The following PHACTR3 variants were observed in gnomAD, a reference collection of about 807,000 sequenced individuals.
The protein encoded by PHACTR3 is protein phosphatase 1, regulatory subunit 123.
In PHACTR3, 16 loss-of-function variants were observed where a neutral mutation model predicts 66.8. The ratio of observed to expected loss-of-function variants is 0.24; its 90% CI spans 0.16 to 0.36. The LOEUF is 0.36. Ranked by LOEUF, PHACTR3 falls within the 10% of genes least tolerant of loss-of-function variation. The probability of loss-of-function intolerance (pLI) is 1.00; values close to 1 mark genes in which losing one functional copy is unlikely to be tolerated. For missense variants in PHACTR3, 647 were observed against 719.9 expected, an observed-to-expected ratio of 0.90 and a Z score of 1.16; for synonymous variants, 323 against 292.1, an observed-to-expected ratio of 1.11 and a Z score of -1.08.
At chr20:59,588,062 C>A (rs2033086559) in intron 1 of PHACTR3, among the ~76,000 whole-genome samples, 1 of 152,184 alleles carries the variant, frequency 6.6e-6, no homozygotes, top group Non-Finnish European at 1.5e-5. Context: ...TTGATCAGGT[C>A]ACCGGGGGTC....
chr20:59,627,339 C>A (rs1269753901), intron 1 of PHACTR3, among the ~76,000 whole-genome samples: 1 of 152,226 alleles, frequency 6.6e-6, no homozygotes, highest in Non-Finnish European at 1.5e-5. Flanking sequence ...AGCCCGCCTG[C>A]AGCTCTGCTT....
intron 1 of PHACTR3, among the ~76,000 whole-genome samples, chr20:59,645,625 T>G (rs1410689868): frequency 6.6e-6 from 1 of 152,204 alleles, no homozygotes; most frequent in Non-Finnish European, 1.5e-5. Flanking sequence ...TAAATGTTGC[T>G]TATATTGCAT....
In PHACTR3 at chr20:59,807,110, G is replaced by A. The variant is rs193157374; in HGVS notation, c.1328+916G>A. Among the ~76,000 whole-genome samples the A allele has an allele frequency of 1.3e-4, 20 of 152,266 alleles. No homozygotes were observed. The East Asian group carries it at 3.5e-3, about 26-fold the overall frequency. ...CAGAATCACTGCACACTTAGGCTAC[G>A]CTAAATTTACATAAACTTTTTTTTT... is the stretch of plus-strand genomic sequence containing the variant. On this transcript the variant is annotated intron_variant, in intron 8 of 12. Coordinates refer to ENST00000371015, the MANE Select transcript of PHACTR3 (RefSeq NM_080672.5).
At chr20:59,648,245 G>A (rs2035349233) in intron 1 of PHACTR3, among the ~76,000 whole-genome samples, 1 of 152,152 alleles carries the variant, frequency 6.6e-6, no homozygotes, top group African/African-American at 2.4e-5. Flanking sequence ...CCTGCTGTGA[G>A]GCCACATTTC....
rs182597601 is a variant in PHACTR3 at position 59,743,514 on chromosome 20, C to T, written c.280+246C>T. Among the ~76,000 whole-genome samples the T allele has an allele frequency of 5.3e-5, 8 of 152,320 alleles. No homozygotes were observed. In the East Asian group the frequency reaches 1.6e-3, roughly 30 times the overall value. On this transcript the variant is annotated intron_variant, in intron 2 of 12. Coordinates refer to ENST00000371015, the MANE Select transcript of PHACTR3 (RefSeq NM_080672.5). ...CCCCATGTGGGACGCTCTGCCCAGA[C>T]CCTAAGGTGCCCACAAGTCCACTGG...
In PHACTR3 at chr20:59,757,287, C is replaced by T. The variant is rs865990; in HGVS notation, c.541+1923C>T. ...GGGCCTGTGCCTGCTCCCCTCAGTGCCCTCTTCTGACCTCAGACACGCTCC... is the reference window on the plus strand; with the variant it reads ...GGGCCTGTGCCTGCTCCCCTCAGTGTCCTCTTCTGACCTCAGACACGCTCC... On this transcript the variant is annotated intron_variant, in intron 4 of 12. Transcript: ENST00000371015. 7.0e-4 allele frequency among the ~76,000 whole-genome samples: 106 copies of T among 152,356 alleles called. 1 individual carries two copies. Among genetic ancestry groups the T allele is most frequent in the Non-Finnish European group, 1.2e-3 (80 of 68,028 alleles).
At chr20:59,723,305 A>G (rs1197508781) in intron 1 of PHACTR3, among the ~76,000 whole-genome samples, 1 of 151,530 alleles carries the variant, frequency 6.6e-6, no homozygotes, top group Non-Finnish European at 1.5e-5. Flanking sequence ...CCCTTTCCCT[A>G]CCCCTGGCAA....
chr20:59,713,634 T>C (rs1476271289), intron 1 of PHACTR3, among the ~76,000 whole-genome samples: 1 of 152,250 alleles, frequency 6.6e-6, no homozygotes, highest in African/African-American at 2.4e-5. Flanking sequence ...AATGTGTGAA[T>C]ATATTCTCAA....
intron 3 of PHACTR3, among the ~76,000 whole-genome samples, chr20:59,749,013 AG>A (rs2039477965): frequency 6.6e-6 from 1 of 152,118 alleles, no homozygotes; most frequent in Non-Finnish European, 1.5e-5. Flanking sequence ...TGCTATTTTT[AG>A]GGGAAATCTA....
chr20:59,652,175 C>T (rs989896347), intron 1 of PHACTR3, among the ~76,000 whole-genome samples: 2 of 152,150 alleles, frequency 1.3e-5, no homozygotes, highest in African/African-American at 4.8e-5. Context: ...TCTATTCAGG[C>T]CTCTATCAGG....
intron 1 of PHACTR3, among the ~76,000 whole-genome samples, chr20:59,620,030 G>C (rs531257789): frequency 3.9e-5 from 6 of 152,138 alleles, no homozygotes; most frequent in Non-Finnish European, 8.8e-5. Flanking sequence ...ACCTGGAGGG[G>C]TGCCCCTCCG....
At chr20:59,846,057 AGCAGATGACTGTG>A (rs2059141194) in intron 12 of PHACTR3, among the ~76,000 whole-genome samples, 1 of 152,310 alleles carries the variant, frequency 6.6e-6, no homozygotes, top group African/African-American at 2.4e-5. Flanking sequence ...CTGATTCTAA[AGCAGATGACTGTG>A]ATGCAACAAG....
chr20:59,650,013 A>G (rs569328837), intron 1 of PHACTR3, among the ~76,000 whole-genome samples: 1 of 152,346 alleles, frequency 6.6e-6, no homozygotes, highest in South Asian at 2.1e-4. Context: ...ATTTAACTAT[A>G]AAGAATGAAA....
intron 1 of PHACTR3, among the ~76,000 whole-genome samples, chr20:59,635,159 T>TTCTTTC (rs2034831680): frequency 3.0e-5 from 2 of 66,604 alleles, no homozygotes; most frequent in African/African-American, 1.3e-4. Flanking sequence ...TTTTCTTTCT[T>TTCTTTC]TCTTTCTTTC....
intron 3 of PHACTR3, among the ~76,000 whole-genome samples, chr20:59,750,518 T>C (rs752625159): frequency 2.0e-5 from 3 of 151,916 alleles, no homozygotes; most frequent in Non-Finnish European, 4.4e-5. Context: ...GGAAGGGACC[T>C]TGAGATGGTG....
intron 3 of PHACTR3, among the ~76,000 whole-genome samples, chr20:59,753,350 C>T (rs1475932083): frequency 2.6e-5 from 4 of 152,108 alleles, no homozygotes; most frequent in Non-Finnish European, 4.4e-5. Flanking sequence ...TTCATTCTCC[C>T]CGGAGGAGAC....
intron 1 of PHACTR3, among the ~76,000 whole-genome samples, chr20:59,712,862 A>G (rs571196765): frequency 2.6e-5 from 4 of 152,382 alleles, no homozygotes; most frequent in African/African-American, 4.8e-5. Flanking sequence ...CATTTAGTAC[A>G]TTAATGAAGA....
intron 1 of PHACTR3, among the ~76,000 whole-genome samples, chr20:59,710,533 T>C (rs2037877764): frequency 6.6e-6 from 1 of 152,198 alleles, no homozygotes. Flanking sequence ...CACTTTCAAA[T>C]TTCCCACTAT....
At chr20:59,685,731 G>A (rs529056787) in intron 1 of PHACTR3, among the ~76,000 whole-genome samples, 9 of 152,238 alleles carry the variant, frequency 5.9e-5, no homozygotes, top group South Asian at 4.1e-4. Context: ...ATTATCCTTC[G>A]GGCCTCAGGT....
Sources: allele counts gnomAD v4.1 joint callset (sites outside exome capture counted in the v4.1 genomes callset), GRCh38; gene constraint gnomAD v4.1.1; transcripts MANE v1.5; gene names NCBI Gene and HGNC (gene_info 2026-07-23, HGNC 2026-07-21).